The following NIPAL2 variants were observed in gnomAD, a reference collection of about 807,000 sequenced individuals.
NIPAL2 encodes NIPA-like protein 2.
Under a neutral mutation model 48.9 loss-of-function variants are expected in NIPAL2, and 43 were observed. The ratio of observed to expected loss-of-function variants is 0.88; its 90% CI spans 0.69 to 1.13. NIPAL2 has a LOEUF of 1.13. Ranked by LOEUF, NIPAL2 falls within the 50% of genes most tolerant of loss-of-function variation. The pLI is 0.00. For synonymous variants in NIPAL2, 167 were observed against 174.6 expected (o/e 0.96, Z 0.34); for missense variants, 446 against 461.4 (o/e 0.97, Z 0.31).
At chr8:98,227,189 T>C (rs146528025) in intron 4 of NIPAL2, among the ~76,000 whole-genome samples, 3 of 152,196 alleles carry the variant, frequency 2.0e-5, no homozygotes, top group Non-Finnish European at 4.4e-5. Flanking sequence ...AGAAATGCCA[T>C]CTAAGAGTCA....
intron 1 of NIPAL2, among the ~76,000 whole-genome samples, chr8:98,256,965 A>T (rs957991370): frequency 1.3e-5 from 2 of 152,234 alleles, no homozygotes; most frequent in Non-Finnish European, 2.9e-5. Context: ...AATATTATTC[A>T]GCCTTAAAAA....
At chr8:98,257,128 G>A (rs930376790) in intron 1 of NIPAL2, among the ~76,000 whole-genome samples, 4 of 152,056 alleles carry the variant, frequency 2.6e-5, no homozygotes, top group Admixed American at 6.5e-5. Context: ...ATGGGAAGTG[G>A]GGGTTGGGAC....
intron 1 of NIPAL2, among the ~76,000 whole-genome samples, chr8:98,260,243 C>T (rs1362959737): frequency 1.3e-5 from 2 of 152,320 alleles, no homozygotes; most frequent in African/African-American, 4.8e-5. Context: ...TTCTTTGACT[C>T]TCAGTTTTCT....
At chr8:98,223,478 T>C (rs1586342167) in intron 4 of NIPAL2, among the ~76,000 whole-genome samples, 1 of 152,224 alleles carries the variant, frequency 6.6e-6, no homozygotes, top group Non-Finnish European at 1.5e-5. Flanking sequence ...ATATTTTAGA[T>C]AGCACACTTG....
rs566466158 is a variant in NIPAL2 at position 98,281,091 on chromosome 8, T to A, written c.135+12912A>T. The stretch of plus-strand genomic sequence containing the variant: ...CCATTGCGCAACTGAAGACCGCATG[T>A]AGGCACTGCTTGAGAAAAACACACT... On this transcript the variant is annotated intron_variant, in intron 1 of 10. Transcript: ENST00000430223. Among the ~76,000 whole-genome samples, 7 of 152,048 alleles carry A rather than the reference T, an allele frequency of 4.6e-5. No individual in the cohort carries two copies. The South Asian group carries it at 1.3e-3, about 27-fold the overall frequency.
intron 1 of NIPAL2, among the ~76,000 whole-genome samples, chr8:98,265,216 C>G (rs1166107445): frequency 1.3e-5 from 2 of 151,274 alleles, no homozygotes; most frequent in Admixed American, 1.3e-4. Flanking sequence ...AGGACATAGG[C>G]ATGGGCAAGG....
chr8:98,209,276 C>A (rs1271537633), intron 6 of NIPAL2, among the ~76,000 whole-genome samples: 2 of 151,800 alleles, frequency 1.3e-5, no homozygotes, highest in African/African-American at 4.8e-5. Context: ...TATGTAAGTG[C>A]AAATTGTTGT....
chr8:98,271,259 A>G (rs1815105755), intron 1 of NIPAL2, among the ~76,000 whole-genome samples: 2 of 152,158 alleles, frequency 1.3e-5, no homozygotes. Flanking sequence ...TGATAGGAAT[A>G]GTATAGAATC....
At position 98,242,488 on chromosome 8, in the gene NIPAL2, A is replaced by ATTTTTTGTTTTTTT. The variant is rs774556900; in HGVS notation, c.377-6275_377-6274insAAAAAAACAAAAAA. 2.1e-3 allele frequency among the ~76,000 whole-genome samples: 247 copies of ATTTTTTGTTTTTTT among 117,766 alleles called. 22 individuals are homozygous for ATTTTTTGTTTTTTT. The highest frequency in any genetic ancestry group is 0.014 in the East Asian group (53 of 3,920). The allele number at this position is 117,766 out of a possible 152,430, so 77.3% of individuals were successfully genotyped here. The stretch of plus-strand genomic sequence containing the variant: ...AGGCAAAAGCCACTGCACCTGACAG[A>ATTTTTTGTTTTTTT]TTTTTTTTTTTTTTTTTTTAACTGA... On this transcript the variant is annotated intron_variant, in intron 3 of 10. Coordinates refer to ENST00000430223, the MANE Select transcript of NIPAL2 (RefSeq NM_001321635.2).
chr8:98,279,121 A>C (rs913588963), intron 1 of NIPAL2, among the ~76,000 whole-genome samples: 2 of 152,130 alleles, frequency 1.3e-5, no homozygotes, highest in Non-Finnish European at 2.9e-5. Context: ...ATGCTTATTA[A>C]ATTTATTTAA....
intron 1 of NIPAL2, among the ~76,000 whole-genome samples, chr8:98,261,055 G>A (rs1234970513): frequency 2.0e-5 from 3 of 152,052 alleles, no homozygotes; most frequent in Non-Finnish European, 2.9e-5. Flanking sequence ...CAACAGACCT[G>A]CAGCTGAGGG....
intron 1 of NIPAL2, among the ~76,000 whole-genome samples, chr8:98,290,322 G>A (rs1305681440): frequency 6.6e-6 from 1 of 152,132 alleles, no homozygotes; most frequent in African/African-American, 2.4e-5. Flanking sequence ...TTCAAAGAAA[G>A]GGCATAAAAA....
intron 1 of NIPAL2, among the ~76,000 whole-genome samples, chr8:98,264,877 A>T (rs1048539616): frequency 6.6e-6 from 1 of 151,958 alleles, no homozygotes; most frequent in African/African-American, 2.4e-5. Context: ...CTGACTTCAA[A>T]CTATACTACC....
At chr8:98,277,865 C>A (rs553651484) in intron 1 of NIPAL2, among the ~76,000 whole-genome samples, 122 of 152,280 alleles carry the variant, frequency 8.0e-4, no homozygotes, top group Middle Eastern at 3.4e-3. Context: ...TTTATTTATC[C>A]ATTCATCCGT....
chr8:98,202,134 A>T (rs1364325740), intron 8 of NIPAL2, among the ~76,000 whole-genome samples: 4 of 152,236 alleles, frequency 2.6e-5, no homozygotes, highest in African/African-American at 9.6e-5. Flanking sequence ...GTCATATTTT[A>T]AAAAATGGTC....
At chr8:98,226,240 G>A (rs79553375) in intron 4 of NIPAL2, among the ~76,000 whole-genome samples, 4,315 of 152,150 alleles carry the variant, frequency 0.028, 219 homozygotes, top group African/African-American at 0.098. Flanking sequence ...TTTGTTTGGT[G>A]AGGTCATGTT....
chr8:98,294,050 C>G lies in NIPAL2; in HGVS notation c.88G>C (p.Gly30Arg). The change falls in exon 1 of 11, where the codon GGC becomes CGC. Residue 30 changes from glycine (G) to arginine (R), a missense_variant. Physicochemically the swap from Gly to Arg is moderately radical, Grantham distance 125. Coordinates refer to ENST00000430223, the MANE Select transcript of NIPAL2 (RefSeq NM_001321635.2). ...LSLNFTYGAPGAGNGSLSGDW... is the reference protein window; with the variant it reads ...LSLNFTYGAPRAGNGSLSGDW... Reference sequence around the variant, plus strand: ...CCCGAGAGGGAGCCGTTGCCGGCGCCTGGTGCCCCGTACGTGAAATTCAGT... The same window carrying G: ...CCCGAGAGGGAGCCGTTGCCGGCGCGTGGTGCCCCGTACGTGAAATTCAGT... 1 of 1,499,896 alleles carries G rather than the reference C, an allele frequency of 6.7e-7. No individual in the cohort carries two copies. Among genetic ancestry groups the G allele is most frequent in the Non-Finnish European group, 8.9e-7 (1 of 1,124,958 alleles). 92.9% of individuals were successfully genotyped at this position (1,499,896 alleles called of 1,614,324 possible).
intron 1 of NIPAL2, among the ~76,000 whole-genome samples, chr8:98,293,039 A>G (rs1159277453): frequency 6.6e-6 from 1 of 152,230 alleles, no homozygotes; most frequent in Non-Finnish European, 1.5e-5. Flanking sequence ...CTTTATACAA[A>G]TATATTCTCT....
chr8:98,271,626 A>C (rs1181986299), intron 1 of NIPAL2, among the ~76,000 whole-genome samples: 1 of 152,188 alleles, frequency 6.6e-6, no homozygotes, highest in African/African-American at 2.4e-5. Flanking sequence ...GTATAGAGTC[A>C]TATCGTCAGT....
Sources: gnomAD v4.1 joint callset for allele counts (sites outside exome capture counted in the v4.1 genomes callset) on GRCh38, gnomAD v4.1.1 for gene constraint, MANE v1.5 for transcripts, NCBI Gene and HGNC (gene_info 2026-07-23, HGNC 2026-07-21) for gene names.